NUCB1: variants seen among roughly 807,000 people sequenced by gnomAD.
NUCB1 encodes the protein nucleobindin 1.
Under a neutral mutation model 61.2 loss-of-function variants are expected in NUCB1, and 47 were observed. The ratio of observed to expected loss-of-function variants is 0.77; its 90% confidence interval spans 0.61 to 0.98. The LOEUF (loss-of-function observed/expected upper bound fraction) is 0.98. Ranked by LOEUF, NUCB1 falls within the 50% of genes least tolerant of loss-of-function variation. The pLI, the probability that NUCB1 is intolerant of heterozygous loss-of-function variation, is 0.00. For synonymous variants in NUCB1, 234 were observed against 243.1 expected (o/e 0.96, Z 0.35); for missense variants, 583 against 605.3 (o/e 0.96, Z 0.39).
chr19:48,920,518 AT>A (rs2037597165), intron 10 of NUCB1, among the ~76,000 whole-genome samples: 2 of 151,472 alleles, frequency 1.3e-5, no homozygotes, highest in African/African-American at 4.8e-5. Context: ...TTATTTATTT[AT>A]TTATTTGTTT....
intron 6 of NUCB1, 59 bp downstream of exon 6, chr19:48,913,255 A>G (rs1263871502): frequency 6.6e-7 from 1 of 1,524,114 alleles, no homozygotes; most frequent in Non-Finnish European, 8.8e-7. Flanking sequence ...ACGCAAGACA[A>G]GAAAGCAGTT....
At chr19:48,911,666 A>C (rs1158208674) in intron 5 of NUCB1, among the ~76,000 whole-genome samples, 1 of 152,074 alleles carries the variant, frequency 6.6e-6, no homozygotes, top group East Asian at 1.9e-4. Flanking sequence ...TCAGCCTCCC[A>C]AAGTGCTGGG....
chr19:48,918,868 T>C (rs920873167), intron 8 of NUCB1, 84 bp downstream of exon 8: 4 of 1,399,476 alleles, frequency 2.9e-6, no homozygotes, highest in Non-Finnish European at 4.0e-6. Context: ...TAAATCCCCC[T>C]GGATGGGAGC....
At chr19:48,901,027 T>C (rs1357645297) in intron 2 of NUCB1, 96 bp downstream of exon 2, 1 of 1,423,666 alleles carries the variant, frequency 7.0e-7, no homozygotes, top group South Asian at 1.2e-5. Context: ...TCCAGTGACT[T>C]CCTGGCCCTA....
At position 48,904,448 on chromosome 19, in the gene NUCB1, C is replaced by T; in HGVS notation, c.237C>T (p.Asp79=). 1 of 1,597,126 alleles carries T rather than the reference C, an allele frequency of 6.3e-7. No individual in the cohort carries two copies. Among genetic ancestry groups the T allele is most frequent in the Non-Finnish European group, 8.5e-7 (1 of 1,170,072 alleles). Residue 79 remains aspartate (D), a synonymous_variant, in exon 3 of 13, where the codon GAC becomes GAT. Transcript: ENST00000405315. Reference sequence around the variant, plus strand: ...AGCTGCAGGCTGCCAATGCGGAGGACATCAAGGTGCGGCTGGGGGAGTGGG... The same window carrying T: ...AGCTGCAGGCTGCCAATGCGGAGGATATCAAGGTGCGGCTGGGGGAGTGGG... The part of the protein sequence containing the change: ...REKLQAANAE[D]IKSGKLSREL...
intron 4 of NUCB1, among the ~76,000 whole-genome samples, chr19:48,907,493 T>A (rs1395592123): frequency 2.6e-5 from 4 of 151,664 alleles, no homozygotes; most frequent in Non-Finnish European, 5.9e-5. Flanking sequence ...CAGGCTGGTC[T>A]TGAACTCCTG....
At position 48,913,014 on chromosome 19, in the gene NUCB1, A is replaced by G. The variant is rs549081178; in HGVS notation, c.484A>G (p.Thr162Ala). The G allele has an allele frequency of 1.7e-4, 267 of 1,606,222 alleles. 2 individuals are homozygous for G. In the South Asian group the frequency reaches 2.7e-3, roughly 16 times the overall value. Residue 162 changes from threonine (T) to alanine (A), a missense_variant, in exon 6 of 13, where the codon ACC (threonine) becomes GCC (alanine). Physicochemically the swap from Thr to Ala is moderately conservative, Grantham distance 58. Transcript: ENST00000405315. ...RDLELLIQTA[T>A]RDLAQYDAAH... ...ATGACCCTGTGCCTTTCCCCAGGCC[A>G]CCCGGGACCTTGCCCAGTACGACGC...
At position 48,919,217 on chromosome 19, in the gene NUCB1, C is replaced by G; in HGVS notation, c.933C>G (p.Leu311=). ...AGGTGGACACCAACCAGGACCGCCT[C>G]GTGACCCTGGAGGAGTTCCTCGCAT... is the stretch of plus-strand genomic sequence containing the variant. ...MKNVDTNQDR[L]VTLEEFLAST... is the part of the protein sequence containing the mutation. The change falls in exon 10 of 13, where the codon CTC becomes CTG. Residue 311 remains leucine (L), a synonymous_variant. Coordinates refer to ENST00000405315, the MANE Select transcript of NUCB1 (RefSeq NM_006184.6). The G allele has an allele frequency of 6.2e-7, 1 of 1,614,008 alleles. No homozygotes were observed. The highest frequency in any genetic ancestry group is 1.1e-5 in the South Asian group (1 of 91,070).
chr19:48,908,736 G>C (rs2037441273), intron 4 of NUCB1, among the ~76,000 whole-genome samples: 1 of 149,582 alleles, frequency 6.7e-6, no homozygotes, highest in African/African-American at 2.5e-5. Context: ...GTGTGTGTGT[G>C]TGTGTGTGTG....
chr19:48,919,774 TTTTTTTTTTTC>T (rs1479615345), intron 10 of NUCB1, among the ~76,000 whole-genome samples: 1 of 38,386 alleles, frequency 2.6e-5, no homozygotes, highest in Non-Finnish European at 6.5e-5. Flanking sequence ...TTTTTTTTTT[TTTTTTTTTTTC>T]TGAAACAGGG....
Position 48,905,807 on chromosome 19 carries a change from CTGGATG to C in NUCB1, c.299_304del (p.Leu100_Glu102delinsGln). The C allele has an allele frequency of 6.2e-7, 1 of 1,611,520 alleles. No homozygotes were observed. The highest frequency in any genetic ancestry group is 8.5e-7 in the Non-Finnish European group (1 of 1,178,468). On this transcript the variant is annotated inframe_deletion, in exon 4 of 13. Coordinates refer to ENST00000405315, the MANE Select transcript of NUCB1 (RefSeq NM_006184.6). ...TGTCAGCCACCACGTCCGCACCAAG[CTGGATG>C]AGCTCAAGCGACAGGAGGTGTCACG...
chr19:48,908,093 G>C (rs898948546), intron 4 of NUCB1, among the ~76,000 whole-genome samples: 1 of 152,110 alleles, frequency 6.6e-6, no homozygotes, highest in Non-Finnish European at 1.5e-5. Flanking sequence ...CCTGTTCTCT[G>C]TCTCTCTAGA....
At chr19:48,904,568 A>G (rs1295912151) in intron 3 of NUCB1, 114 bp downstream of exon 3, 1 of 651,402 alleles carries the variant, frequency 1.5e-6, no homozygotes, top group Non-Finnish European at 2.6e-6. Context: ...TCTGTCACCC[A>G]GGCTGGAGTG....
chr19:48,916,178 G>GTA (rs1277187047), intron 7 of NUCB1, among the ~76,000 whole-genome samples: 6 of 151,900 alleles, frequency 3.9e-5, no homozygotes, highest in Admixed American at 1.3e-4. Flanking sequence ...TGTCGTGTGT[G>GTA]TGTGTGTGTG....
intron 2 of NUCB1, 75 bp from the exon 3 acceptor site, chr19:48,904,272 C>A: frequency 1.1e-6 from 1 of 951,446 alleles, no homozygotes; most frequent in Admixed American, 1.8e-5. Flanking sequence ...AGGGAGCAGG[C>A]CATAGCAGTA....
intron 7 of NUCB1, among the ~76,000 whole-genome samples, chr19:48,916,799 C>T (rs957375826): frequency 4.6e-5 from 7 of 152,160 alleles, no homozygotes; most frequent in East Asian, 1.9e-4. Context: ...ACCTGCAGTC[C>T]CAGCTACTCA....
At position 48,913,179 on chromosome 19, in the gene NUCB1, C is replaced by T. The variant is rs762362052; in HGVS notation, c.649C>T (p.Pro217Ser). The change falls in exon 6 of 13, where the codon CCT becomes TCT. Residue 217 changes from proline to serine, a missense_variant. Physicochemically the swap from Pro to Ser is moderately conservative, Grantham distance 74. Coordinates refer to ENST00000405315, the MANE Select transcript of NUCB1 (RefSeq NM_006184.6). Reference protein sequence around the residue: ...EEQQRRHREHPKVNVPGSQAQ... With the variant: ...EEQQRRHREHSKVNVPGSQAQ... ...GCAACAGCGCCGGCACCGCGAGCACCCTAAAGTCAACGTGCCTGTGAGGAC... is the reference window on the plus strand; with the variant it reads ...GCAACAGCGCCGGCACCGCGAGCACTCTAAAGTCAACGTGCCTGTGAGGAC... 113 of 1,612,582 alleles carry T rather than the reference C, an allele frequency of 7.0e-5. No homozygotes were observed. The Admixed American group carries it at 1.9e-3, about 27-fold the overall frequency.
Position 48,905,789 on chromosome 19 carries a change from C to T in NUCB1, c.280C>T (p.His94Tyr), listed in dbSNP as rs2037403870. 1 of 1,614,048 alleles carries T rather than the reference C, an allele frequency of 6.2e-7. No homozygotes were observed. The highest frequency in any genetic ancestry group is 1.1e-5 in the South Asian group (1 of 91,086). Residue 94 changes from histidine (H) to tyrosine (Y), a missense_variant, in exon 4 of 13, where the codon CAC becomes TAC. Physicochemically the swap from His to Tyr is moderately conservative, Grantham distance 83. Transcript: ENST00000405315. ...GAGCCGAGAGCTGGACTTTGTCAGC[C>T]ACCACGTCCGCACCAAGCTGGATGA... Reference protein sequence around the residue: ...KLSRELDFVSHHVRTKLDELK... With the variant: ...KLSRELDFVSYHVRTKLDELK...
chr19:48,921,112 G>T (rs780974671), intron 10 of NUCB1, 42 bp from the exon 11 acceptor site: 24 of 1,565,024 alleles, frequency 1.5e-5, no homozygotes, highest in Non-Finnish European at 2.1e-5. Context: ...GTGGGCCGAG[G>T]TTGGACCTGT....
Sources: allele counts gnomAD v4.1 joint callset (sites outside exome capture counted in the v4.1 genomes callset), GRCh38; gene constraint gnomAD v4.1.1; transcripts MANE v1.5; gene names NCBI Gene and HGNC (gene_info 2026-07-23, HGNC 2026-07-21).